The following XRRA1 variants were observed in gnomAD, a reference collection of about 807,000 sequenced individuals.
XRRA1 encodes X-ray radiation resistance-associated protein 1.
In XRRA1, 69 loss-of-function variants were observed where a neutral mutation model predicts 80.2. That is an observed-to-expected ratio of 0.86 (90% confidence interval 0.71 to 1.05). XRRA1 has a LOEUF of 1.05. XRRA1 is among the 50% of genes least tolerant of loss of function. The pLI is 0.00. For missense variants in XRRA1, 967 were observed against 976.4 expected, an observed-to-expected ratio of 0.99 and a Z score of 0.13; for synonymous variants, 348 against 389.9, an observed-to-expected ratio of 0.89 and a Z score of 1.27.
chr11:74,887,946 C>T (rs892513391), intron 10 of XRRA1, among the ~76,000 whole-genome samples: 15 of 152,144 alleles, frequency 9.9e-5, no homozygotes, highest in South Asian at 2.1e-4. Flanking sequence ...GGGTAGAGCC[C>T]GCCGCAACTC....
chr11:74,920,257 AC>A (rs1442580094), intron 8 of XRRA1, among the ~76,000 whole-genome samples: 1 of 152,222 alleles, frequency 6.6e-6, no homozygotes, highest in African/African-American at 2.4e-5. Context: ...GACTTCTGTT[AC>A]TTGCAAACAA....
intron 12 of XRRA1, among the ~76,000 whole-genome samples, chr11:74,855,905 C>T (rs2040974233): frequency 1.3e-5 from 2 of 152,070 alleles, no homozygotes; most frequent in African/African-American, 4.8e-5. Flanking sequence ...GAAGCTGAGG[C>T]AGGTGGATCA....
At chr11:74,867,918 T>TTTTTG (rs1555033308) in intron 10 of XRRA1, among the ~76,000 whole-genome samples, 1 of 2,326 alleles carries the variant, frequency 4.3e-4, no homozygotes, top group Non-Finnish European at 6.6e-4. Context: ...ATAGTCAATC[T>TTTTTG]TTTTTTTTTT....
chr11:74,920,979 C>T (rs1218889820), intron 8 of XRRA1, among the ~76,000 whole-genome samples: 1 of 152,144 alleles, frequency 6.6e-6, no homozygotes, highest in East Asian at 1.9e-4. Flanking sequence ...AGACAGTTTA[C>T]AGATGACCAG....
intron 10 of XRRA1, among the ~76,000 whole-genome samples, chr11:74,892,325 G>C (rs1017170799): frequency 6.6e-6 from 1 of 152,076 alleles, no homozygotes; most frequent in Non-Finnish European, 1.5e-5. Context: ...TATTTAATAA[G>C]TGGTGCCGGG....
intron 12 of XRRA1, among the ~76,000 whole-genome samples, chr11:74,853,345 C>T (rs2040351255): frequency 6.6e-6 from 1 of 152,142 alleles, no homozygotes; most frequent in East Asian, 1.9e-4. Context: ...ATTTCTCTAC[C>T]TCTAGCACAC....
At position 74,936,839 on chromosome 11, in the gene XRRA1, AC is replaced by A. The variant is rs1035797879; in HGVS notation, c.279+44del. 4.5e-6 allele frequency: 7 copies of A among 1,571,898 alleles called. No homozygotes were observed. The African/African-American group carries it at 9.5e-5, about 21-fold the overall frequency. ...GCAAATCCTTCCCCACTTCCTCCCC[AC>A]CCTAGCTGATGTGCTGGCCACTCCA... On this transcript the variant is annotated intron_variant, in intron 4 of 18. Coordinates refer to ENST00000684022, the MANE Select transcript of XRRA1 (RefSeq NM_001378157.1).
chr11:74,904,820 C>T (rs904964521), intron 10 of XRRA1, among the ~76,000 whole-genome samples: 16 of 143,650 alleles, frequency 1.1e-4, no homozygotes, highest in Non-Finnish European at 1.8e-4. Context: ...TATTTTACAA[C>T]GATTAAAATA....
chr11:74,841,994 G>A lies in XRRA1; in HGVS notation c.*1206C>T, dbSNP rs1453119258. ...CTATGCAAGGGAAAAAAATTTAAAT[G>A]CCAACGAATAGTTTTTTTTTTTTTG... On this transcript the variant is annotated 3_prime_UTR_variant, in exon 19 of 19. Transcript: ENST00000684022. The A allele has an allele frequency of 6.6e-6, 1 of 151,198 alleles. No individual in the cohort carries two copies. The highest frequency in any genetic ancestry group is 1.5e-5 in the Non-Finnish European group (1 of 67,992). The allele number at this position is 151,198 out of a possible 1,614,324, so 9.4% of individuals were successfully genotyped here.
intron 10 of XRRA1, among the ~76,000 whole-genome samples, chr11:74,866,425 T>C (rs2043423911): frequency 6.6e-6 from 1 of 151,826 alleles, no homozygotes; most frequent in Non-Finnish European, 1.5e-5. Flanking sequence ...GGTTAATGTT[T>C]TTATTTTTTT....
At chr11:74,906,795 G>A (rs1182625663) in intron 9 of XRRA1, 1 of 387,310 alleles carries the variant, frequency 2.6e-6, no homozygotes, top group Non-Finnish European at 4.6e-6. Context: ...CTTTACTTCA[G>A]TTAGAATTCA....
At chr11:74,889,116 G>C (rs909228185) in intron 10 of XRRA1, among the ~76,000 whole-genome samples, 2 of 152,166 alleles carry the variant, frequency 1.3e-5, no homozygotes, top group African/African-American at 4.8e-5. Context: ...ATTCACCAAA[G>C]TTGAAATGAA....
intron 8 of XRRA1, among the ~76,000 whole-genome samples, chr11:74,914,268 G>A (rs1267072364): frequency 1.3e-5 from 2 of 152,126 alleles, no homozygotes; most frequent in African/African-American, 2.4e-5. Context: ...TTACAGGCGT[G>A]AGCCACCGTG....
rs367555726 is a variant in XRRA1, at chr11:74,903,284, A to C, written c.1003+2955T>G. ...GTGGTATATGCAAAAGATGTTCACAAGGTTGTTCATTGTAGCACCATTTGT... is the reference window on the plus strand; with the variant it reads ...GTGGTATATGCAAAAGATGTTCACACGGTTGTTCATTGTAGCACCATTTGT... On this transcript the variant is annotated intron_variant, in intron 10 of 18. Transcript: ENST00000684022. 4.2e-4 allele frequency among the ~76,000 whole-genome samples: 64 copies of C among 152,346 alleles called. 1 individual carries two copies. Among genetic ancestry groups the C allele is most frequent in the African/African-American group, 1.4e-3 (60 of 41,582 alleles).
chr11:74,862,243 C>CT (rs2042456219), intron 11 of XRRA1, among the ~76,000 whole-genome samples: 1 of 152,112 alleles, frequency 6.6e-6, no homozygotes, highest in South Asian at 2.1e-4. Flanking sequence ...ATAAGTGAGC[C>CT]TTGGTGGAGC....
At chr11:74,903,742 T>C (rs1322253513) in intron 10 of XRRA1, among the ~76,000 whole-genome samples, 1 of 152,034 alleles carries the variant, frequency 6.6e-6, no homozygotes, top group Non-Finnish European at 1.5e-5. Context: ...GATGGACATA[T>C]GGCAAGAAGG....
intron 10 of XRRA1, among the ~76,000 whole-genome samples, chr11:74,872,267 C>T (rs1319382212): frequency 1.3e-5 from 2 of 152,190 alleles, no homozygotes; most frequent in Non-Finnish European, 2.9e-5. Context: ...TAATAAAACA[C>T]ACCTCCTTAT....
intron 7 of XRRA1, among the ~76,000 whole-genome samples, chr11:74,923,538 T>C (rs1160480057): frequency 6.6e-6 from 1 of 152,214 alleles, no homozygotes; most frequent in African/African-American, 2.4e-5. Context: ...ATATCTCTCA[T>C]GCTTGTTCTC....
intron 15 of XRRA1, chr11:74,846,074 G>A (rs1022168550): frequency 1.5e-4 from 23 of 152,096 alleles, no homozygotes; most frequent in African/African-American, 5.6e-4. Flanking sequence ...AGACCACCAG[G>A]TTGCCTAAGG....
Sources: allele counts gnomAD v4.1 joint callset (sites outside exome capture counted in the v4.1 genomes callset), GRCh38; gene constraint gnomAD v4.1.1; transcripts MANE v1.5; gene names NCBI Gene and HGNC (gene_info 2026-07-23, HGNC 2026-07-21).